Variants in CACNA1G observed in about 807,000 individuals in gnomAD.
CACNA1G encodes calcium voltage-gated channel subunit alpha1 G, also known as voltage-dependent T-type calcium channel subunit alpha-1G.
Under a neutral mutation model 219.4 loss-of-function variants are expected in CACNA1G, and 67 were observed. That is an observed-to-expected ratio of 0.31 (90% CI 0.25 to 0.37). CACNA1G has a LOEUF of 0.37. Among genes scored for constraint, CACNA1G ranks in the 10% least tolerant of loss-of-function variants. The pLI is 1.00. For missense variants in CACNA1G, 2,380 were observed against 3,231.4 expected (o/e 0.74, Z 6.39); for synonymous variants, 1,296 against 1,345.3 (o/e 0.96, Z 0.80).
intron 7 of CACNA1G, 188 bp downstream of exon 7, chr17:50,573,301 C>A (rs1011490291): frequency 1.7e-6 from 1 of 582,584 alleles, no homozygotes; most frequent in Non-Finnish European, 3.1e-6. Flanking sequence ...AAGGTCAAGG[C>A]GGGACTTAAC....
chr17:50,616,041 T>C (rs2050502134), intron 27 of CACNA1G, among the ~76,000 whole-genome samples: 1 of 152,226 alleles, frequency 6.6e-6, no homozygotes, highest in Non-Finnish European at 1.5e-5. Context: ...CTCCTCACCA[T>C]CTCCCAAGGA....
rs2052949289 is a variant in CACNA1G at position 50,623,947 on chromosome 17, T to C, written c.6101T>C (p.Leu2034Pro). 3.1e-6 allele frequency: 5 copies of C among 1,613,296 alleles called. No homozygotes were observed. The highest frequency in any genetic ancestry group is 4.2e-6 in the Non-Finnish European group (5 of 1,179,790). ...ACGGAGCTGCCAGGACCAGACTTAC[T>C]GACTGTGCGGAAGTCTGGGGTCAGC... ...HPTELPGPDL[L>P]TVRKSGVSRT... The change falls in exon 36 of 38, where the codon CTG (leucine) becomes CCG (proline). Residue 2034 changes from leucine to proline, a missense_variant. Leu to Pro is a moderately conservative substitution (Grantham distance 98, BLOSUM62 -3). This residue lies in a region of CACNA1G where 672 missense variants were observed against 670.5 expected (regional missense o/e 1.00). Coordinates refer to ENST00000359106, the MANE Select transcript of CACNA1G (RefSeq NM_018896.5).
At chr17:50,606,525 A>G (rs2048003348) in intron 23 of CACNA1G, 2 of 562,438 alleles carry the variant, frequency 3.6e-6, no homozygotes, top group African/African-American at 1.9e-5. Flanking sequence ...GAAGGGACGG[A>G]TATATTGTCA....
rs1411062167 is a variant in CACNA1G at position 50,626,664 on chromosome 17, T to A, written c.7047T>A (p.Pro2349=). The change falls in exon 38 of 38, where the codon CCT becomes CCA. Residue 2349 remains proline (P), a synonymous_variant. Coordinates refer to ENST00000359106, the MANE Select transcript of CACNA1G (RefSeq NM_018896.5). The surrounding 1 kb of genome is among the most constrained non-coding windows in gnomAD (Gnocchi z 4.3). ...AGGATCCCTTGGCCTCTGGCCCCCC[T>A]GACAGCATGGCTGCCTCGCCCTCCC... The part of the protein sequence containing the change: ...DSKDPLASGP[P]DSMAASPSPK... 1.9e-6 allele frequency: 3 copies of A among 1,612,348 alleles called. No homozygotes were observed. The highest frequency in any genetic ancestry group is 2.2e-5 in the East Asian group (1 of 44,820).
rs150825618 is a variant in CACNA1G, at chr17:50,575,055, A to G, written c.1141-488A>G. Among the ~76,000 whole-genome samples, 377 of 152,348 alleles carry G rather than the reference A, an allele frequency of 2.5e-3. 2 individuals are homozygous for G. The highest frequency in any genetic ancestry group is 0.024 in the Middle Eastern group (7 of 294). ...CACAGCTAGAATTGGGGCTAGAAGC[A>G]GGAGTCTTGTAAATGATGTTTTTGT... On this transcript the variant is annotated intron_variant, in intron 7 of 37. Coordinates refer to ENST00000359106, the MANE Select transcript of CACNA1G (RefSeq NM_018896.5).
chr17:50,575,872 C>G lies in CACNA1G; in HGVS notation c.1470C>G (p.Ser490=), dbSNP rs534107391. ...GCTCTCGCTCCCACCGCCGCCTATC[C>G]GTCCACCACCTGGTGCACCACCACC... ...SSCSRSHRRL[S]VHHLVHHHHH... is the part of the protein sequence containing the mutation. The change falls in exon 8 of 38, where the codon TCC becomes TCG. Residue 490 remains serine, a synonymous_variant. Coordinates refer to ENST00000359106, the MANE Select transcript of CACNA1G (RefSeq NM_018896.5). 1 of 1,552,700 alleles carries G rather than the reference C, an allele frequency of 6.4e-7. No individual in the cohort carries two copies. The highest frequency in any genetic ancestry group is 2.4e-5 in the East Asian group (1 of 41,348).
intron 1 of CACNA1G, among the ~76,000 whole-genome samples, chr17:50,565,080 C>A (rs1357886226): frequency 1.3e-5 from 2 of 151,724 alleles, no homozygotes. Flanking sequence ...CCTGCCTCAG[C>A]CAGGATGGCG....
At chr17:50,606,134 C>T in intron 23 of CACNA1G, 111 bp downstream of exon 23, 1 of 1,381,518 alleles carries the variant, frequency 7.2e-7, no homozygotes, top group East Asian at 2.3e-5. Context: ...ACGAAGAGAT[C>T]AGCCCTTCAC....
chr17:50,613,371 C>T (rs2049681705), intron 26 of CACNA1G, among the ~76,000 whole-genome samples: 1 of 152,174 alleles, frequency 6.6e-6, no homozygotes, highest in South Asian at 2.1e-4. Flanking sequence ...ACCTCAGGGG[C>T]CGGGACCTGT....
intron 9 of CACNA1G, among the ~76,000 whole-genome samples, chr17:50,584,601 C>T (rs960654690): frequency 7.4e-4 from 3 of 4,076 alleles, no homozygotes; most frequent in African/African-American, 1.9e-3. Flanking sequence ...GAGCCGGGGG[C>T]GGGGGTAGGG....
In CACNA1G at chr17:50,600,830, A is replaced by G. The variant is rs761615085; in HGVS notation, c.3791+4A>G. ...ACATCTTCCCTCCTCAGTCCAGGTA[A>G]GTGACAGGGCAGGGGTCTGACCTGT... is the stretch of plus-strand genomic sequence containing the variant. On this transcript the variant is annotated splice_donor_region_variant and intron_variant, in intron 18 of 37. Coordinates refer to ENST00000359106, the MANE Select transcript of CACNA1G (RefSeq NM_018896.5). The surrounding 1 kb of genome is among the most constrained non-coding windows in gnomAD (Gnocchi z 4.1). The G allele has an allele frequency of 6.2e-7, 1 of 1,612,198 alleles. No individual in the cohort carries two copies. Among genetic ancestry groups the G allele is most frequent in the East Asian group, 2.2e-5 (1 of 44,856 alleles).
At chr17:50,612,558 T>C (rs1002280018) in intron 26 of CACNA1G, among the ~76,000 whole-genome samples, 1 of 152,248 alleles carries the variant, frequency 6.6e-6, no homozygotes, top group Non-Finnish European at 1.5e-5. Flanking sequence ...CCACGGCAGC[T>C]GAAGGTGTGG....
intron 34 of CACNA1G, among the ~76,000 whole-genome samples, chr17:50,620,198 G>T (rs1463802083): frequency 6.6e-6 from 1 of 152,120 alleles, no homozygotes; most frequent in African/African-American, 2.4e-5. Context: ...AGGGAGGAAG[G>T]CCTCCAGAGA....
At chr17:50,577,331 C>CT (rs2040904243) in intron 8 of CACNA1G, among the ~76,000 whole-genome samples, 1 of 151,880 alleles carries the variant, frequency 6.6e-6, no homozygotes, top group Non-Finnish European at 1.5e-5. Flanking sequence ...GAGCGGGGGG[C>CT]TTCCACATCC....
At chr17:50,569,028 G>A (rs910163279) in intron 2 of CACNA1G, 47 bp downstream of exon 2, 2 of 1,236,696 alleles carry the variant, frequency 1.6e-6, no homozygotes, top group African/African-American at 4.0e-5. Flanking sequence ...TGTGTGTTGG[G>A]GGTTGGCCCC....
intron 34 of CACNA1G, among the ~76,000 whole-genome samples, chr17:50,620,101 A>G (rs775142468): frequency 1.3e-5 from 2 of 151,252 alleles, no homozygotes; most frequent in African/African-American, 2.4e-5. Context: ...GGGATTTGTA[A>G]GAATCTGGAA....
intron 1 of CACNA1G, among the ~76,000 whole-genome samples, chr17:50,566,397 T>C (rs1050298308): frequency 6.6e-6 from 1 of 150,462 alleles, no homozygotes; most frequent in African/African-American, 2.4e-5. Flanking sequence ...TTACGTGTCG[T>C]GGAAGGAGAG....
rs1024019037 is a variant in CACNA1G at position 50,561,761 on chromosome 17, G to C, written c.242+60G>C. 4.1e-6 allele frequency: 6 copies of C among 1,471,164 alleles called. No individual in the cohort carries two copies. The East Asian group carries it at 1.2e-4, about 30-fold the overall frequency. 91.1% of individuals were successfully genotyped at this position (1,471,164 alleles called of 1,614,324 possible). Reference sequence around the variant, plus strand: ...CAGAAGGGGGACGGGCCGCACCGCCGGGGGTCGGGGGGGAAGAAGACCCAC... The same window carrying C: ...CAGAAGGGGGACGGGCCGCACCGCCCGGGGTCGGGGGGGAAGAAGACCCAC... On this transcript the variant is annotated intron_variant, in intron 1 of 37. Coordinates refer to ENST00000359106, the MANE Select transcript of CACNA1G (RefSeq NM_018896.5).
At position 50,590,531 on chromosome 17, in the gene CACNA1G, C is replaced by T; in HGVS notation, c.2362C>T (p.Leu788=). 2 of 1,613,968 alleles carry T rather than the reference C, an allele frequency of 1.2e-6. No homozygotes were observed. Among genetic ancestry groups the T allele is most frequent in the Non-Finnish European group, 1.7e-6 (2 of 1,179,838 alleles). Residue 788 remains leucine, a synonymous_variant, in exon 10 of 38, where the codon CTG becomes TTG. Transcript: ENST00000359106. The part of the protein sequence containing the change: ...SNIVFTSLFA[L]EMLLKLLVYG... ...CATCGTCTTCACCAGCCTCTTTGCCCTGGAGATGCTGCTGAAGCTGCTTGT... is the reference window on the plus strand; with the variant it reads ...CATCGTCTTCACCAGCCTCTTTGCCTTGGAGATGCTGCTGAAGCTGCTTGT...
Sources: allele counts gnomAD v4.1 joint callset (sites outside exome capture counted in the v4.1 genomes callset), GRCh38; gene constraint gnomAD v4.1.1; regional missense constraint gnomAD v4.1.1; non-coding constraint Gnocchi (gnomAD v3.1); transcripts MANE v1.5; gene names NCBI Gene and HGNC (gene_info 2026-07-23, HGNC 2026-07-21).